The following KCND3 variants were observed in gnomAD, a reference collection of about 807,000 sequenced individuals.
The protein encoded by KCND3 is A-type voltage-gated potassium channel KCND3.
In KCND3, 9 loss-of-function variants were observed where a neutral mutation model predicts 51.1. That is an observed-to-expected ratio of 0.18 (90% CI 0.11 to 0.31). The LOEUF is 0.31. Ranked by LOEUF, KCND3 falls within the 10% of genes least tolerant of loss-of-function variation. The pLI is 1.00. For missense variants in KCND3, 526 were observed against 903.8 expected (o/e 0.58, Z 5.36); for synonymous variants, 349 against 368.0 (o/e 0.95, Z 0.59).
chr1:111,974,989 C>T (rs1282610539), intron 2 of KCND3, among the ~76,000 whole-genome samples: 3 of 152,244 alleles, frequency 2.0e-5, no homozygotes, highest in Non-Finnish European at 1.5e-5. Flanking sequence ...TAATCTTTCC[C>T]TTCTCTGCAG....
intron 2 of KCND3, among the ~76,000 whole-genome samples, chr1:111,918,789 G>A (rs545069383): frequency 1.1e-4 from 16 of 152,258 alleles, no homozygotes; most frequent in African/African-American, 3.9e-4. Flanking sequence ...GATGAGCCAG[G>A]AAGTACAACT....
At chr1:111,933,158 T>C (rs4409650) in intron 2 of KCND3, among the ~76,000 whole-genome samples, 110,441 of 152,052 alleles carry the variant, frequency 0.73, 42,013 homozygotes, top group Non-Finnish European at 0.85. Context: ...CTCATTCTCT[T>C]TCCTGCCACC....
chr1:111,934,057 C>G (rs1250066706), intron 2 of KCND3, among the ~76,000 whole-genome samples: 1 of 152,182 alleles, frequency 6.6e-6, no homozygotes, highest in African/African-American at 2.4e-5. Flanking sequence ...CCCAAAGGCC[C>G]TGGGGAAGGT....
chr1:111,888,974 G>C (rs1025298110), intron 2 of KCND3, among the ~76,000 whole-genome samples: 3 of 152,164 alleles, frequency 2.0e-5, no homozygotes, highest in African/African-American at 7.2e-5. Flanking sequence ...GCTAATGAGG[G>C]ACTTTTCTCT....
chr1:111,822,176 CTG>C (rs1557959017), intron 2 of KCND3, among the ~76,000 whole-genome samples: 1 of 151,696 alleles, frequency 6.6e-6, no homozygotes, highest in Non-Finnish European at 1.5e-5. Context: ...TATGTCATAA[CTG>C]AAATTAAAAT....
intron 2 of KCND3, among the ~76,000 whole-genome samples, chr1:111,811,161 T>C (rs1216751052): frequency 6.6e-6 from 1 of 152,202 alleles, no homozygotes; most frequent in Non-Finnish European, 1.5e-5. Context: ...TATCCTGATG[T>C]GTGAGTCTTG....
intron 2 of KCND3, among the ~76,000 whole-genome samples, chr1:111,818,406 T>C (rs1666203942): frequency 6.6e-6 from 1 of 152,196 alleles, no homozygotes; most frequent in African/African-American, 2.4e-5. Flanking sequence ...GGGAGTCAGA[T>C]GGAATGAGCT....
intron 7 of KCND3, among the ~76,000 whole-genome samples, chr1:111,776,629 C>T (rs1664127966): frequency 6.6e-6 from 1 of 152,160 alleles, no homozygotes; most frequent in African/African-American, 2.4e-5. Context: ...AGGGAAAAGT[C>T]AGTCTCTGGG....
intron 2 of KCND3, among the ~76,000 whole-genome samples, chr1:111,933,704 C>T (rs1206760532): frequency 6.6e-6 from 1 of 152,260 alleles, no homozygotes; most frequent in South Asian, 2.1e-4. Context: ...TTTTCCTGAT[C>T]CTCATCTTAA....
chr1:111,816,960 C>A (rs1464547367), intron 2 of KCND3, among the ~76,000 whole-genome samples: 1 of 152,196 alleles, frequency 6.6e-6, no homozygotes, highest in African/African-American at 2.4e-5. Flanking sequence ...CATCTGCCTA[C>A]ACACCTGGAT....
chr1:111,843,473 T>G (rs1667417608), intron 2 of KCND3, among the ~76,000 whole-genome samples: 1 of 152,210 alleles, frequency 6.6e-6, no homozygotes, highest in Non-Finnish European at 1.5e-5. Flanking sequence ...CAAGGAGAGC[T>G]AAAAACAAAG....
At chr1:111,888,761 C>G (rs752806569) in intron 2 of KCND3, among the ~76,000 whole-genome samples, 29 of 151,174 alleles carry the variant, frequency 1.9e-4, no homozygotes, top group Non-Finnish European at 3.5e-4. Context: ...CAAAGACAGA[C>G]AGAAACCTCT....
At chr1:111,955,852 C>A (rs941659407) in intron 2 of KCND3, among the ~76,000 whole-genome samples, 2 of 152,182 alleles carry the variant, frequency 1.3e-5, no homozygotes, top group African/African-American at 4.8e-5. Context: ...GACGCCATTT[C>A]TGCCTTCGAG....
chr1:111,926,048 G>A (rs186335151), intron 2 of KCND3, among the ~76,000 whole-genome samples: 115 of 152,286 alleles, frequency 7.6e-4, no homozygotes, highest in African/African-American at 2.6e-3. Context: ...AAACAATTAT[G>A]CATACCATTA....
intron 2 of KCND3, among the ~76,000 whole-genome samples, chr1:111,815,856 C>A (rs1666064418): frequency 6.6e-6 from 1 of 152,004 alleles, no homozygotes. Flanking sequence ...AGAAGGTAAG[C>A]AGGAATTTCT....
At chr1:111,842,699 G>A (rs571359326) in intron 2 of KCND3, among the ~76,000 whole-genome samples, 3 of 152,344 alleles carry the variant, frequency 2.0e-5, no homozygotes, top group East Asian at 1.9e-4. Context: ...TGTATGGCAG[G>A]TGCCTTTCCA....
At chr1:111,925,943 A>C (rs936711855) in intron 2 of KCND3, among the ~76,000 whole-genome samples, 1 of 152,116 alleles carries the variant, frequency 6.6e-6, no homozygotes, top group Non-Finnish European at 1.5e-5. Context: ...CCCACTGATC[A>C]CAAAAATGCC....
chr1:111,897,099 A>G (rs531311468), intron 2 of KCND3, among the ~76,000 whole-genome samples: 4 of 152,224 alleles, frequency 2.6e-5, no homozygotes, highest in Non-Finnish European at 4.4e-5. Flanking sequence ...CTCAGCCCAC[A>G]TGGGGCAAGT....
chr1:111,891,813 C>T (rs990831888), intron 2 of KCND3, among the ~76,000 whole-genome samples: 3 of 152,102 alleles, frequency 2.0e-5, no homozygotes, highest in East Asian at 1.9e-4. Context: ...TCTTGCCATT[C>T]GGGGAAGAAA....
Sources: gnomAD v4.1 joint callset for allele counts (sites outside exome capture counted in the v4.1 genomes callset) on GRCh38, gnomAD v4.1.1 for gene constraint, MANE v1.5 for transcripts, NCBI Gene and HGNC (gene_info 2026-07-23, HGNC 2026-07-21) for gene names.